KCNK1: variants seen among roughly 807,000 people sequenced by gnomAD.
KCNK1 encodes potassium two pore domain channel subfamily K member 1.
In KCNK1, 10 loss-of-function variants were observed where a neutral mutation model predicts 22.2. The ratio of observed to expected loss-of-function variants is 0.45; its 90% CI spans 0.28 to 0.76. KCNK1 has a LOEUF of 0.76. Among genes scored for constraint, KCNK1 ranks in the 30% least tolerant of loss-of-function variants. KCNK1 has a pLI of 0.14. For missense variants in KCNK1, 378 were observed against 421.0 expected (o/e 0.90, Z 0.89); for synonymous variants, 200 against 186.4 (o/e 1.07, Z -0.60).
intron 1 of KCNK1, among the ~76,000 whole-genome samples, chr1:233,631,810 GT>G (rs1186216741): frequency 6.6e-6 from 1 of 151,828 alleles, no homozygotes; most frequent in Admixed American, 6.6e-5. Flanking sequence ...ATAGATTCTG[GT>G]TTTTTTTAAG....
intron 2 of KCNK1, among the ~76,000 whole-genome samples, chr1:233,669,408 T>C (rs1429429995): frequency 6.6e-6 from 1 of 152,212 alleles, no homozygotes; most frequent in Non-Finnish European, 1.5e-5. Flanking sequence ...CTACATAGAA[T>C]TAGTTTATGT....
chr1:233,629,060 G>A (rs1372567629), intron 1 of KCNK1, among the ~76,000 whole-genome samples: 1 of 152,086 alleles, frequency 6.6e-6, no homozygotes, highest in Non-Finnish European at 1.5e-5. Flanking sequence ...CTAGGTCTTT[G>A]GAATATTTAC....
intron 1 of KCNK1, among the ~76,000 whole-genome samples, chr1:233,653,965 G>A (rs1658245365): frequency 6.6e-6 from 1 of 152,116 alleles, no homozygotes; most frequent in Admixed American, 6.6e-5. Flanking sequence ...AAAGAGTTCG[G>A]AGGTGCACAC....
At chr1:233,658,372 C>A (rs924941239) in intron 1 of KCNK1, among the ~76,000 whole-genome samples, 4 of 151,980 alleles carry the variant, frequency 2.6e-5, no homozygotes, top group African/African-American at 9.7e-5. Context: ...TTTAATTTGG[C>A]CAAATTGCTT....
At chr1:233,643,200 T>A (rs1658033688) in intron 1 of KCNK1, among the ~76,000 whole-genome samples, 1 of 152,100 alleles carries the variant, frequency 6.6e-6, no homozygotes, top group Non-Finnish European at 1.5e-5. Context: ...TGTGGGGTTA[T>A]AGGTGGCTAT....
chr1:233,663,522 T>TA (rs1658438028), intron 1 of KCNK1, among the ~76,000 whole-genome samples: 1 of 152,224 alleles, frequency 6.6e-6, no homozygotes, highest in Non-Finnish European at 1.5e-5. Context: ...GAACCTAAAT[T>TA]ATGTAATTTA....
At chr1:233,615,526 A>G (rs1571886162) in intron 1 of KCNK1, among the ~76,000 whole-genome samples, 1 of 152,368 alleles carries the variant, frequency 6.6e-6, no homozygotes, top group Middle Eastern at 3.4e-3. Flanking sequence ...AGCGTTCAGC[A>G]CAGTCCCTTC....
At chr1:233,614,613 A>AACCCCC in intron 1 of KCNK1, 87 bp downstream of exon 1, 1 of 960,474 alleles carries the variant, frequency 1.0e-6, no homozygotes, top group South Asian at 1.7e-5. Context: ...GGCCCCTCTA[A>AACCCCC]CCCTCCCACC....
chr1:233,641,574 A>G (rs1202143462), intron 1 of KCNK1, among the ~76,000 whole-genome samples: 1 of 152,160 alleles, frequency 6.6e-6, no homozygotes, highest in Non-Finnish European at 1.5e-5. Flanking sequence ...GGGGTGTTAT[A>G]TCCCCACTTA....
chr1:233,671,193 G>C, intron 2 of KCNK1, 78 bp from the exon 3 acceptor site: 1 of 1,287,180 alleles, frequency 7.8e-7, no homozygotes, highest in Non-Finnish European at 1.1e-6. Flanking sequence ...GTTGGCATGA[G>C]GTGGGGAGGT....
chr1:233,652,226 T>A (rs892240298), intron 1 of KCNK1, among the ~76,000 whole-genome samples: 22 of 152,134 alleles, frequency 1.4e-4, no homozygotes, highest in Admixed American at 4.6e-4. Flanking sequence ...GATCTTTGGT[T>A]GTTGTCTTAG....
At chr1:233,670,506 A>T (rs1658578488) in intron 2 of KCNK1, among the ~76,000 whole-genome samples, 1 of 152,228 alleles carries the variant, frequency 6.6e-6, no homozygotes. Flanking sequence ...GTGGCTAGGG[A>T]AGCCTCACAA....
At chr1:233,641,699 A>T (rs1461428770) in intron 1 of KCNK1, among the ~76,000 whole-genome samples, 2 of 152,208 alleles carry the variant, frequency 1.3e-5, no homozygotes, top group Admixed American at 1.3e-4. Flanking sequence ...TTGATGAGAC[A>T]GATCCCTGTA....
rs1305522114 is a variant in KCNK1, at chr1:233,659,122, A to G, written c.356-7473A>G. Among the ~76,000 whole-genome samples the G allele has an allele frequency of 2.0e-5, 3 of 152,038 alleles. No individual in the cohort carries two copies. In the East Asian group the frequency reaches 5.8e-4, roughly 29 times the overall value. On this transcript the variant is annotated intron_variant, in intron 1 of 2. Transcript: ENST00000366621. ...ATAACGTTTAACTTAAAACACGAAC[A>G]TGTTATACTGCTGAAAAAGTATTTC...
intron 1 of KCNK1, among the ~76,000 whole-genome samples, chr1:233,618,432 T>G (rs539485104): frequency 6.6e-6 from 1 of 152,184 alleles, no homozygotes; most frequent in Non-Finnish European, 1.5e-5. Flanking sequence ...CAGGTGATAT[T>G]TGGGGAGTAA....
At position 233,671,476 on chromosome 1, in the gene KCNK1, G is replaced by A. The variant is rs1658596839; in HGVS notation, c.957G>A (p.Glu319=). Residue 319 remains glutamate (E), a synonymous_variant, in exon 3 of 3, where the codon GAG becomes GAA. Coordinates refer to ENST00000366621, the MANE Select transcript of KCNK1 (RefSeq NM_002245.4). ...AGMKEDQKQN[E]PFVATQSSAC... ...TGAAAGAGGACCAGAAGCAAAATGA[G>A]CCTTTTGTGGCCACCCAGTCATCTG... 6.2e-7 allele frequency: 1 copy of A among 1,614,014 alleles called. No homozygotes were observed. Among genetic ancestry groups the A allele is most frequent in the African/African-American group, 1.3e-5 (1 of 74,926 alleles).
intron 1 of KCNK1, among the ~76,000 whole-genome samples, chr1:233,659,896 C>A (rs1283391189): frequency 2.6e-5 from 4 of 152,164 alleles, no homozygotes; most frequent in African/African-American, 9.7e-5. Context: ...GATAAGAGAA[C>A]CTTCTTAGGA....
At chr1:233,618,682 A>C (rs1657527018) in intron 1 of KCNK1, among the ~76,000 whole-genome samples, 1 of 152,144 alleles carries the variant, frequency 6.6e-6, no homozygotes, top group African/African-American at 2.4e-5. Context: ...TCAAGAGATC[A>C]AGACCATCCT....
At chr1:233,615,492 T>C (rs1657473300) in intron 1 of KCNK1, among the ~76,000 whole-genome samples, 1 of 152,244 alleles carries the variant, frequency 6.6e-6, no homozygotes, top group Non-Finnish European at 1.5e-5. Context: ...AATTGGTATT[T>C]GGACAGTGGG....
Sources: gnomAD v4.1 joint callset for allele counts (sites outside exome capture counted in the v4.1 genomes callset) on GRCh38, gnomAD v4.1.1 for gene constraint, MANE v1.5 for transcripts, NCBI Gene and HGNC (gene_info 2026-07-23, HGNC 2026-07-21) for gene names.